The following PRKG1 variants were observed in gnomAD, a reference collection of about 807,000 sequenced individuals.
PRKG1 encodes cGMP-dependent protein kinase 1.
PRKG1 carries 35 observed loss-of-function variants against 88.1 expected under a neutral mutation model. The observed-to-expected ratio is 0.40, with a 90% CI of 0.30 to 0.53. The LOEUF is 0.53. Ranked by LOEUF, PRKG1 falls within the 20% of genes least tolerant of loss-of-function variation. PRKG1 has a pLI of 0.59. For synonymous variants in PRKG1, 303 were observed against 292.5 expected, an observed-to-expected ratio of 1.04 and a Z score of -0.37; for missense variants, 540 against 839.8, an observed-to-expected ratio of 0.64 and a Z score of 4.41.
chr10:52,117,164 CTGTG>C (rs71459438), intron 7 of PRKG1, among the ~76,000 whole-genome samples: 1,487 of 139,296 alleles, frequency 0.011, 20 homozygotes, highest in African/African-American at 0.029. Flanking sequence ...TGTGAAATAT[CTGTG>C]TGTGTGTGTG....
intron 5 of PRKG1, chr10:51,908,185 G>A (rs1414427314): frequency 1.3e-5 from 2 of 152,154 alleles, no homozygotes; most frequent in African/African-American, 2.4e-5. Context: ...TTCTCCTAAA[G>A]GTATTGGGCA....
chr10:51,779,370 A>G (rs1287951037), intron 3 of PRKG1, among the ~76,000 whole-genome samples: 1 of 152,100 alleles, frequency 6.6e-6, no homozygotes, highest in African/African-American at 2.4e-5. Flanking sequence ...TCATGCTTAT[A>G]CGCCTCTGGG....
intron 2 of PRKG1, among the ~76,000 whole-genome samples, chr10:51,177,256 CA>C (rs1837219212): frequency 6.6e-6 from 1 of 152,056 alleles, no homozygotes. Flanking sequence ...GTCTGCAATA[CA>C]TGTAGAATGG....
intron 3 of PRKG1, chr10:51,699,187 T>C (rs150525723): frequency 1.2e-6 from 2 of 1,614,190 alleles, no homozygotes; most frequent in African/African-American, 1.3e-5. Flanking sequence ...GGGCATCTTC[T>C]GGATCGATGG....
At chr10:51,064,442 A>G (rs1843725840) in intron 1 of PRKG1, among the ~76,000 whole-genome samples, 1 of 152,102 alleles carries the variant, frequency 6.6e-6, no homozygotes, top group African/African-American at 2.4e-5. Context: ...CAGCATTATA[A>G]CATTGCAGTT....
At chr10:51,600,223 G>A (rs996238803) in intron 3 of PRKG1, among the ~76,000 whole-genome samples, 1 of 151,970 alleles carries the variant, frequency 6.6e-6, no homozygotes, top group African/African-American at 2.4e-5. Context: ...GCCTTAGATG[G>A]TCATTTGAAC....
At chr10:51,184,825 G>T (rs1337152136) in intron 2 of PRKG1, among the ~76,000 whole-genome samples, 1 of 152,022 alleles carries the variant, frequency 6.6e-6, no homozygotes, top group African/African-American at 2.4e-5. Flanking sequence ...GCCATTTGTT[G>T]CGTACCTCAC....
chr10:52,132,724 T>G (rs1837299435), intron 7 of PRKG1, among the ~76,000 whole-genome samples: 1 of 152,080 alleles, frequency 6.6e-6, no homozygotes, highest in African/African-American at 2.4e-5. Flanking sequence ...CTTAGAAATT[T>G]TATTGTTTTT....
At chr10:52,213,784 G>C (rs1411810989) in intron 9 of PRKG1, among the ~76,000 whole-genome samples, 3 of 152,106 alleles carry the variant, frequency 2.0e-5, no homozygotes, top group Non-Finnish European at 2.9e-5. Context: ...AAATCCTTTA[G>C]GTAGCTGTCT....
intron 4 of PRKG1, among the ~76,000 whole-genome samples, chr10:51,815,836 T>G (rs1174270546): frequency 6.6e-6 from 1 of 152,172 alleles, no homozygotes; most frequent in East Asian, 1.9e-4. Context: ...TTCTGACTCT[T>G]TCTAGGGTGC....
At chr10:51,816,603 T>C (rs2132633672) in intron 4 of PRKG1, among the ~76,000 whole-genome samples, 1 of 151,170 alleles carries the variant, frequency 6.6e-6, no homozygotes, top group Non-Finnish European at 1.5e-5. Flanking sequence ...ATCTGAGGTT[T>C]TTAAAAGTAA....
chr10:51,055,605 G>T (rs1374145352), intron 1 of PRKG1, among the ~76,000 whole-genome samples: 2 of 151,912 alleles, frequency 1.3e-5, no homozygotes, highest in Non-Finnish European at 2.9e-5. Context: ...TGGGAGTGGT[G>T]GTGGTCGCCT....
At chr10:51,735,493 G>T (rs184214259) in intron 3 of PRKG1, among the ~76,000 whole-genome samples, 26 of 152,166 alleles carry the variant, frequency 1.7e-4, no homozygotes, top group African/African-American at 6.0e-4. Context: ...AGGGAATGAG[G>T]ACATTTGGAT....
chr10:51,857,774 C>A (rs1353665832), intron 4 of PRKG1, among the ~76,000 whole-genome samples: 1 of 151,688 alleles, frequency 6.6e-6, no homozygotes, highest in Non-Finnish European at 1.5e-5. Context: ...TTCTTCTCTT[C>A]AAAGGTAGCA....
intron 2 of PRKG1, among the ~76,000 whole-genome samples, chr10:51,247,030 A>G (rs1839309270): frequency 1.3e-5 from 2 of 152,052 alleles, no homozygotes; most frequent in Admixed American, 1.3e-4. Context: ...TGGGACCAAG[A>G]CATAATTCGA....
intron 3 of PRKG1, among the ~76,000 whole-genome samples, chr10:51,595,826 TTTTTG>T (rs138543356): frequency 1.3e-5 from 2 of 151,856 alleles, no homozygotes; most frequent in Non-Finnish European, 2.9e-5. Flanking sequence ...ACTTATGTAA[TTTTTG>T]TTTTGTTTTG....
intron 2 of PRKG1, among the ~76,000 whole-genome samples, chr10:51,235,881 A>G (rs369233697): frequency 9.8e-5 from 15 of 152,316 alleles, no homozygotes; most frequent in Middle Eastern, 3.4e-3. Flanking sequence ...AGAACCAATT[A>G]ATATTTGGAG....
chr10:52,219,056 T>C (rs1459092067), intron 9 of PRKG1, among the ~76,000 whole-genome samples: 1 of 152,096 alleles, frequency 6.6e-6, no homozygotes, highest in Admixed American at 6.6e-5. Context: ...AAGAAAGAAG[T>C]ACATTCCCTT....
In PRKG1 at chr10:51,804,699, C is replaced by T. The variant is rs2132611420; in HGVS notation, c.698+9C>T. 6.6e-7 allele frequency: 1 copy of T among 1,511,540 alleles called. No individual in the cohort carries two copies. Among genetic ancestry groups the T allele is most frequent in the African/African-American group, 1.4e-5 (1 of 72,608 alleles). 93.6% of individuals were successfully genotyped at this position (1,511,540 alleles called of 1,614,324 possible). A position where few individuals can be genotyped will look rare whatever the true frequency, so the allele number is the denominator to read the frequency against. On this transcript the variant is annotated intron_variant, in intron 4 of 17. Coordinates refer to ENST00000373980, the MANE Select transcript of PRKG1 (RefSeq NM_006258.4). ...ATGGAATTTTTAAAAAGGTAGGATG[C>T]TTTCTTTTCTCTTGTGAGAGTGTTT...
Sources: gnomAD v4.1 joint callset for allele counts (sites outside exome capture counted in the v4.1 genomes callset) on GRCh38, gnomAD v4.1.1 for gene constraint, MANE v1.5 for transcripts, NCBI Gene and HGNC (gene_info 2026-07-23, HGNC 2026-07-21) for gene names.